MINDY2: variants seen among roughly 807,000 people sequenced by gnomAD.
MINDY2 encodes the protein MINDY lysine 48 deubiquitinase 2, also known as ubiquitin carboxyl-terminal hydrolase MINDY-2.
Under a neutral mutation model 68.2 loss-of-function variants are expected in MINDY2, and 52 were observed. The observed-to-expected ratio is 0.76, with a 90% CI of 0.61 to 0.96. The LOEUF (loss-of-function observed/expected upper bound fraction) is 0.96. Ranked by LOEUF, MINDY2 falls within the 40% of genes least tolerant of loss-of-function variation. The pLI is 0.00. For missense variants in MINDY2, 881 were observed against 773.4 expected (o/e 1.14, Z -1.65); for synonymous variants, 372 against 303.0 (o/e 1.23, Z -2.36).
rs1466212765 is a variant in MINDY2, at chr15:58,778,876, G to A, written c.840+6641G>A. Among the ~76,000 whole-genome samples the A allele has an allele frequency of 7.1e-5, 10 of 140,546 alleles. 1 individual carries two copies. Among genetic ancestry groups the A allele is most frequent in the African/African-American group, 1.9e-4 (7 of 36,352 alleles). The allele number at this position is 140,546 out of a possible 152,430, so 92.2% of individuals were successfully genotyped here. ...CGCCCAGGCTGGAGTGCAGTGGCACGATCTTGGCTCACTGCAACCTCTGCC... is the reference window on the plus strand; with the variant it reads ...CGCCCAGGCTGGAGTGCAGTGGCACAATCTTGGCTCACTGCAACCTCTGCC... On this transcript the variant is annotated intron_variant, in intron 1 of 8. Coordinates refer to ENST00000559228, the MANE Select transcript of MINDY2 (RefSeq NM_001040450.3).
At chr15:58,842,611 CAGAG>C (rs1323571334) in intron 6 of MINDY2, among the ~76,000 whole-genome samples, 1 of 152,122 alleles carries the variant, frequency 6.6e-6, no homozygotes, top group Non-Finnish European at 1.5e-5. Context: ...ATAGTACAAG[CAGAG>C]AGATTCATCT....
intron 2 of MINDY2, among the ~76,000 whole-genome samples, chr15:58,799,309 T>C (rs1004056356): frequency 2.0e-5 from 3 of 152,242 alleles, no homozygotes; most frequent in Non-Finnish European, 4.4e-5. Flanking sequence ...GGCTCACGCC[T>C]GTAATCCCAG....
chr15:58,772,049 C>T lies in MINDY2; in HGVS notation c.654C>T (p.Cys218=), dbSNP rs368999952. The T allele has an allele frequency of 6.2e-7, 1 of 1,608,652 alleles. No homozygotes were observed. Among genetic ancestry groups the T allele is most frequent in the South Asian group, 1.1e-5 (1 of 90,288 alleles). Residue 218 remains cysteine (C), a synonymous_variant, in exon 1 of 9, where the codon TGC becomes TGT. Transcript: ENST00000559228. ...AAVLPGAVPL[C]KEEEGEETAQ... ...TGTTGCCCGGGGCTGTTCCTCTGTG[C>T]AAGGAGGAGGAGGGGGAGGAGACCG...
At chr15:58,779,869 C>G (rs936423284) in intron 1 of MINDY2, among the ~76,000 whole-genome samples, 1 of 152,126 alleles carries the variant, frequency 6.6e-6, no homozygotes, top group Non-Finnish European at 1.5e-5. Context: ...TATGAGTAGT[C>G]TTTTAGTTAA....
At chr15:58,778,810 C>CTTTTTTTTTT (rs1182523003) in intron 1 of MINDY2, among the ~76,000 whole-genome samples, 17 of 114,360 alleles carry the variant, frequency 1.5e-4, no homozygotes, top group African/African-American at 4.5e-4. Context: ...TTCTTTTTTT[C>CTTTTTTTTTT]TTTTTTTTTT....
chr15:58,777,511 C>T (rs1410099976), intron 1 of MINDY2, among the ~76,000 whole-genome samples: 5 of 152,144 alleles, frequency 3.3e-5, no homozygotes, highest in East Asian at 1.9e-4. Context: ...GTGTGGCTAA[C>T]GCCTGGAATC....
Position 58,780,135 on chromosome 15 carries a change from T to C in MINDY2, c.841-7771T>C, listed in dbSNP as rs191190734. Among the ~76,000 whole-genome samples, 19 of 152,234 alleles carry C rather than the reference T, an allele frequency of 1.2e-4. No homozygotes were observed. In the East Asian group the frequency reaches 3.7e-3, roughly 29 times the overall value. On this transcript the variant is annotated intron_variant, in intron 1 of 8. Coordinates refer to ENST00000559228, the MANE Select transcript of MINDY2 (RefSeq NM_001040450.3). ...TATAGAAAATTGAGGCCAGGTGTGG[T>C]TGGCTCACACTGTAATCCCAGCACT...
intron 4 of MINDY2, among the ~76,000 whole-genome samples, chr15:58,818,611 A>G (rs932555411): frequency 4.1e-5 from 6 of 145,870 alleles, no homozygotes; most frequent in Non-Finnish European, 7.5e-5. Flanking sequence ...ATCTTTTTTT[A>G]TTGGTACTCT....
intron 3 of MINDY2, among the ~76,000 whole-genome samples, chr15:58,808,819 T>C (rs1839715969): frequency 2.0e-5 from 3 of 152,320 alleles, no homozygotes; most frequent in Admixed American, 2.0e-4. Context: ...TTAGCCAAGA[T>C]GGTCTTGATC....
At chr15:58,776,891 G>A (rs1204307855) in intron 1 of MINDY2, among the ~76,000 whole-genome samples, 3 of 151,958 alleles carry the variant, frequency 2.0e-5, no homozygotes, top group Non-Finnish European at 2.9e-5. Flanking sequence ...AAAAAGAGAG[G>A]TAGATGAAAA....
chr15:58,833,692 C>G (rs1355551318), intron 6 of MINDY2, among the ~76,000 whole-genome samples: 1 of 152,080 alleles, frequency 6.6e-6, no homozygotes, highest in East Asian at 1.9e-4. Context: ...AGTATTGCTG[C>G]CAGCATGTCC....
rs2033205420 is a variant in MINDY2 at position 58,861,034 on chromosome 15, C to T, written c.*6424C>T. The stretch of plus-strand genomic sequence containing the variant: ...TGGTGTGTGAATGCTACAAAACAGT[C>T]AGCAAAAGGAATCATGTTTGCTTGT... On this transcript the variant is annotated 3_prime_UTR_variant, in exon 9 of 9. Transcript: ENST00000559228. 1 of 151,054 alleles carries T rather than the reference C, an allele frequency of 6.6e-6. No individual in the cohort carries two copies. Among genetic ancestry groups the T allele is most frequent in the Non-Finnish European group, 1.5e-5 (1 of 67,854 alleles). The allele number at this position is 151,054 out of a possible 1,614,324, so 9.4% of individuals were successfully genotyped here. A position where few individuals can be genotyped will look rare whatever the true frequency, so the allele number is the denominator to read the frequency against.
At chr15:58,819,460 C>T (rs2030919115) in intron 4 of MINDY2, among the ~76,000 whole-genome samples, 1 of 152,056 alleles carries the variant, frequency 6.6e-6, no homozygotes, top group South Asian at 2.1e-4. Context: ...CCACTGCACT[C>T]CAGCGTGGGT....
In MINDY2 at chr15:58,859,783, A is replaced by G. The variant is rs1024740935; in HGVS notation, c.*5173A>G. The G allele has an allele frequency of 1.3e-5, 2 of 152,216 alleles. No homozygotes were observed. The highest frequency in any genetic ancestry group is 4.8e-5 in the African/African-American group (2 of 41,454). 9.4% of individuals were successfully genotyped at this position (152,216 alleles called of 1,614,324 possible). A position where few individuals can be genotyped will look rare whatever the true frequency, so the allele number is the denominator to read the frequency against. On this transcript the variant is annotated 3_prime_UTR_variant, in exon 9 of 9. Transcript: ENST00000559228. ...TTTTGCTCTTAGATGTTAGAGTTTA[A>G]TAAATTGTGATACGCATATATTTTT...
chr15:58,801,119 G>A (rs1595725863), intron 2 of MINDY2, among the ~76,000 whole-genome samples: 1 of 151,844 alleles, frequency 6.6e-6, no homozygotes, highest in African/African-American at 2.4e-5. Flanking sequence ...GACTACAGGT[G>A]CATGCCACTA....
rs59631822 is a variant in MINDY2 at position 58,848,943 on chromosome 15, C to G, written c.1542+1473C>G. 3.9e-3 allele frequency among the ~76,000 whole-genome samples: 592 copies of G among 152,260 alleles called. 3 individuals are homozygous for G. Among genetic ancestry groups the G allele is most frequent in the African/African-American group, 0.013 (557 of 41,546 alleles). On this transcript the variant is annotated intron_variant, in intron 7 of 8. Coordinates refer to ENST00000559228, the MANE Select transcript of MINDY2 (RefSeq NM_001040450.3). ...AAAAATACTGGGCCAGGCAAGGTGG[C>G]TCACACCTATAATCCCAGCACTTTG...
chr15:58,806,644 G>A (rs1440542769), intron 3 of MINDY2, among the ~76,000 whole-genome samples: 2 of 152,094 alleles, frequency 1.3e-5, no homozygotes, highest in Non-Finnish European at 2.9e-5. Context: ...TGAGCCCAGA[G>A]CCATTAGAAA....
chr15:58,824,618 T>C (rs2031271305), intron 5 of MINDY2, among the ~76,000 whole-genome samples: 1 of 151,952 alleles, frequency 6.6e-6, no homozygotes, highest in Admixed American at 6.6e-5. Context: ...TAAAAGACCG[T>C]AATAGACATT....
chr15:58,827,293 T>C (rs933176141), intron 5 of MINDY2, among the ~76,000 whole-genome samples: 15 of 152,224 alleles, frequency 9.9e-5, no homozygotes, highest in Admixed American at 5.2e-4. Context: ...TTTAACCAGG[T>C]AGATTTGGCA....
Sources: allele counts gnomAD v4.1 joint callset (sites outside exome capture counted in the v4.1 genomes callset), GRCh38; gene constraint gnomAD v4.1.1; transcripts MANE v1.5; gene names NCBI Gene and HGNC (gene_info 2026-07-23, HGNC 2026-07-21).